RCAN2: variants seen among roughly 807,000 people sequenced by gnomAD.
The protein encoded by RCAN2 is calcipressin-2.
Under a neutral mutation model 23.6 loss-of-function variants are expected in RCAN2, and 9 were observed. The observed-to-expected ratio is 0.38, with a 90% CI of 0.23 to 0.67. RCAN2 has a LOEUF of 0.67. RCAN2 is among the 30% of genes least tolerant of loss of function. The probability of loss-of-function intolerance (pLI) is 0.51; values close to 1 mark genes in which losing one functional copy is unlikely to be tolerated. For missense variants in RCAN2, 273 were observed against 302.3 expected (o/e 0.90, Z 0.72); for synonymous variants, 109 against 115.7 (o/e 0.94, Z 0.37).
At chr6:46,234,254 C>T (rs1212752032) in intron 4 of RCAN2, among the ~76,000 whole-genome samples, 1 of 152,218 alleles carries the variant, frequency 6.6e-6, no homozygotes, top group Non-Finnish European at 1.5e-5. Context: ...CTGTTCTATT[C>T]TTGGACACTT....
intron 2 of RCAN2, among the ~76,000 whole-genome samples, chr6:46,382,489 T>C (rs1765637862): frequency 6.6e-6 from 1 of 152,134 alleles, no homozygotes; most frequent in Non-Finnish European, 1.5e-5. Context: ...GAAAACAGTT[T>C]GTACTCCACT....
At chr6:46,254,467 T>G (rs1345353455) in intron 2 of RCAN2, among the ~76,000 whole-genome samples, 1 of 152,178 alleles carries the variant, frequency 6.6e-6, no homozygotes. Flanking sequence ...GGGCTGATGC[T>G]GATGACCTTA....
chr6:46,309,351 C>A (rs532802333), intron 2 of RCAN2, among the ~76,000 whole-genome samples: 4 of 152,258 alleles, frequency 2.6e-5, no homozygotes, highest in African/African-American at 9.6e-5. Flanking sequence ...TTCCAGTTCA[C>A]TCTAAGGAAT....
intron 2 of RCAN2, among the ~76,000 whole-genome samples, chr6:46,326,790 T>C (rs1256083307): frequency 6.6e-6 from 1 of 152,170 alleles, no homozygotes; most frequent in African/African-American, 2.4e-5. Context: ...GCCTCCCAAT[T>C]TTACATGCAG....
At chr6:46,282,527 G>GA (rs1762234047) in intron 2 of RCAN2, among the ~76,000 whole-genome samples, 1 of 150,752 alleles carries the variant, frequency 6.6e-6, no homozygotes, top group South Asian at 2.1e-4. Flanking sequence ...CTGGTCAAGA[G>GA]AAAATGATGC....
intron 2 of RCAN2, among the ~76,000 whole-genome samples, chr6:46,260,455 C>A (rs772141479): frequency 6.6e-6 from 1 of 152,070 alleles, no homozygotes; most frequent in Non-Finnish European, 1.5e-5. Context: ...TGTAAGTACC[C>A]AAAGTGGAGA....
At chr6:46,380,568 A>G (rs758018207) in intron 2 of RCAN2, among the ~76,000 whole-genome samples, 8 of 152,220 alleles carry the variant, frequency 5.3e-5, no homozygotes, top group Non-Finnish European at 1.0e-4. Context: ...CTCTGGAGGC[A>G]GAGCCAGCAA....
At chr6:46,257,690 C>T (rs775970537) in intron 2 of RCAN2, among the ~76,000 whole-genome samples, 18 of 152,154 alleles carry the variant, frequency 1.2e-4, no homozygotes, top group Non-Finnish European at 4.4e-5. Context: ...AGGTCCCTCC[C>T]TCGACATGTA....
At chr6:46,453,442 C>T (rs945639885) in intron 2 of RCAN2, among the ~76,000 whole-genome samples, 1 of 152,170 alleles carries the variant, frequency 6.6e-6, no homozygotes, top group East Asian at 1.9e-4. Flanking sequence ...AATACAATCT[C>T]ACGGAATTCT....
intron 2 of RCAN2, among the ~76,000 whole-genome samples, chr6:46,417,222 T>C (rs1426688877): frequency 6.6e-6 from 1 of 152,186 alleles, no homozygotes; most frequent in Non-Finnish European, 1.5e-5. Flanking sequence ...AAGGTACCAA[T>C]TTACAATCCT....
At chr6:46,488,685 T>C (rs1769059616) in intron 1 of RCAN2, among the ~76,000 whole-genome samples, 2 of 152,184 alleles carry the variant, frequency 1.3e-5, no homozygotes, top group Non-Finnish European at 2.9e-5. Flanking sequence ...TCTCCATCTT[T>C]CTCAAGTCTC....
intron 1 of RCAN2, among the ~76,000 whole-genome samples, chr6:46,488,143 A>G (rs1288737475): frequency 6.6e-6 from 1 of 152,228 alleles, no homozygotes; most frequent in Admixed American, 6.5e-5. Context: ...AACACATTCC[A>G]GGATAAAAAA....
chr6:46,383,873 CT>C (rs1007807382), intron 2 of RCAN2, among the ~76,000 whole-genome samples: 24 of 152,058 alleles, frequency 1.6e-4, no homozygotes, highest in Non-Finnish European at 3.2e-4. Context: ...GTATATGCTT[CT>C]TTTTTTTCTG....
intron 1 of RCAN2, among the ~76,000 whole-genome samples, chr6:46,484,131 C>A (rs1483890128): frequency 6.6e-6 from 1 of 152,142 alleles, no homozygotes; most frequent in Non-Finnish European, 1.5e-5. Flanking sequence ...ATTAATCTAG[C>A]CTGACTTTCA....
At chr6:46,472,082 T>A (rs892008919) in intron 1 of RCAN2, among the ~76,000 whole-genome samples, 1 of 152,156 alleles carries the variant, frequency 6.6e-6, no homozygotes, top group East Asian at 1.9e-4. Flanking sequence ...GGAAAAATAA[T>A]CTTGCTTGTA....
chr6:46,279,886 A>C (rs982871509), intron 2 of RCAN2, among the ~76,000 whole-genome samples: 1 of 152,194 alleles, frequency 6.6e-6, no homozygotes, highest in Admixed American at 6.5e-5. Context: ...GTAACTCCCC[A>C]AAAAAGGGTT....
chr6:46,454,905 C>A (rs1767975650), intron 2 of RCAN2, among the ~76,000 whole-genome samples: 3 of 152,154 alleles, frequency 2.0e-5, no homozygotes, highest in Admixed American at 2.0e-4. Flanking sequence ...AGTTAATCAG[C>A]CATTCTTGAG....
intron 2 of RCAN2, among the ~76,000 whole-genome samples, chr6:46,389,368 T>A (rs1031227860): frequency 6.6e-6 from 1 of 152,186 alleles, no homozygotes; most frequent in Non-Finnish European, 1.5e-5. Context: ...ATGTCCTTCC[T>A]CTCCTTCTAT....
chr6:46,382,256 G>A (rs576576023), intron 2 of RCAN2, among the ~76,000 whole-genome samples: 7 of 152,140 alleles, frequency 4.6e-5, no homozygotes, highest in East Asian at 1.9e-4. Context: ...TAAGGTTATC[G>A]GGAATATTAA....
Sources: gnomAD v4.1 joint callset for allele counts (sites outside exome capture counted in the v4.1 genomes callset) on GRCh38, gnomAD v4.1.1 for gene constraint, MANE v1.5 for transcripts, NCBI Gene and HGNC (gene_info 2026-07-23, HGNC 2026-07-21) for gene names.